TMEM63B: variants seen among roughly 807,000 people sequenced by gnomAD.
TMEM63B encodes the protein mechanosensitive cation channel TMEM63B.
A neutral mutation model predicts 102.6 loss-of-function variants in TMEM63B; 23 were observed. The ratio of observed to expected loss-of-function variants is 0.22; its 90% confidence interval spans 0.16 to 0.32. The LOEUF (loss-of-function observed/expected upper bound fraction) is 0.32. Among genes scored for constraint, TMEM63B ranks in the 10% least tolerant of loss-of-function variants. TMEM63B has a pLI of 1.00. For synonymous variants in TMEM63B, 444 were observed against 437.0 expected (o/e 1.02, Z -0.20); for missense variants, 628 against 1,095.9 (o/e 0.57, Z 6.03).
intron 1 of TMEM63B, among the ~76,000 whole-genome samples, chr6:44,129,321 T>C (rs1412325719): frequency 1.4e-5 from 2 of 146,598 alleles, no homozygotes; most frequent in African/African-American, 2.6e-5. Context: ...TGAGCCGAGA[T>C]TGTGGCACTT....
chr6:44,129,379 A>AG (rs1777858757), intron 1 of TMEM63B, among the ~76,000 whole-genome samples: 1 of 151,894 alleles, frequency 6.6e-6, no homozygotes, highest in Non-Finnish European at 1.5e-5. Context: ...AAAAAAAAAA[A>AG]AAAGAAAGAA....
intron 10 of TMEM63B, among the ~76,000 whole-genome samples, chr6:44,142,551 A>C (rs73429758): frequency 0.011 from 1,692 of 152,182 alleles, 34 homozygotes; most frequent in African/African-American, 0.038. Context: ...AAAATCATTG[A>C]GTTCTCAGGG....
intron 11 of TMEM63B, 82 bp from the exon 12 acceptor site, chr6:44,147,295 C>T: frequency 6.2e-7 from 1 of 1,602,214 alleles, no homozygotes. Flanking sequence ...CAGCTCCTGT[C>T]CTTGGGGAGT....
In TMEM63B at chr6:44,153,855, C is replaced by T. The variant is rs1487300778; in HGVS notation, c.2110+12C>T. 6.2e-7 allele frequency: 1 copy of T among 1,610,660 alleles called. No individual in the cohort carries two copies. The highest frequency in any genetic ancestry group is 8.5e-7 in the Non-Finnish European group (1 of 1,178,014). ...CACCATGCGCACGGGTGAGGGATCC[C>T]TACCCAGGGAACGGGGGGTGGCGAG... On this transcript the variant is annotated intron_variant, in intron 21 of 23. Coordinates refer to ENST00000323267, the MANE Select transcript of TMEM63B (RefSeq NM_018426.3).
rs148674181 is a variant in TMEM63B, at chr6:44,131,303, C to A, written c.-24-3258C>A. 2.0e-5 allele frequency among the ~76,000 whole-genome samples: 3 copies of A among 152,198 alleles called. No individual in the cohort carries two copies. The East Asian group carries it at 5.8e-4, about 29-fold the overall frequency. ...AGGGGTAGAGTAAGGATATTTGTAT[C>A]TCTTTGTTACAGATTGGAAGACTGA... is the stretch of plus-strand genomic sequence containing the variant. On this transcript the variant is annotated intron_variant, in intron 1 of 23. Coordinates refer to ENST00000323267, the MANE Select transcript of TMEM63B (RefSeq NM_018426.3).
intron 23 of TMEM63B, 77 bp from the exon 24 acceptor site, chr6:44,154,615 G>T: frequency 2.0e-6 from 3 of 1,496,112 alleles, no homozygotes. Flanking sequence ...CCACTCTGCT[G>T]TCCTACATGC....
chr6:44,148,034 G>A lies in TMEM63B; in HGVS notation c.988-218G>A, dbSNP rs1463694383. On this transcript the variant is annotated intron_variant, in intron 12 of 23. Transcript: ENST00000323267. This position sits in a 1 kb window ranked among gnomAD's most constrained non-coding sequence, Gnocchi z 5.1. ...GCCACTTGGGAGGCTGAGGTGGGAG[G>A]GTCACTTTAGCCTGGGAGCTTGAGG... Among the ~76,000 whole-genome samples the A allele has an allele frequency of 2.6e-5, 4 of 152,110 alleles. No individual in the cohort carries two copies. Among genetic ancestry groups the A allele is most frequent in the East Asian group, 1.9e-4 (1 of 5,184 alleles).
rs1357721584 is a variant in TMEM63B at position 44,136,417 on chromosome 6, T to C, written c.347T>C (p.Val116Ala). 9.3e-6 allele frequency: 15 copies of C among 1,614,034 alleles called. No individual in the cohort carries two copies. Among genetic ancestry groups the C allele is most frequent in the Non-Finnish European group, 1.2e-5 (14 of 1,179,998 alleles). The change falls in exon 5 of 24, where the codon GTT (valine) becomes GCT (alanine). Residue 116 changes from valine to alanine, a missense_variant. Val to Ala is a moderately conservative substitution (Grantham distance 64). Transcript: ENST00000323267. The part of the protein sequence containing the change: ...YERLTSVSSS[V>A]DFDQRDNGFC... ...CGTCTCACCTCTGTCTCCAGCTCCGTTGACTTTGACCAAAGGGACAATGTG... is the reference window on the plus strand; with the variant it reads ...CGTCTCACCTCTGTCTCCAGCTCCGCTGACTTTGACCAAAGGGACAATGTG...
intron 10 of TMEM63B, among the ~76,000 whole-genome samples, chr6:44,141,437 T>C (rs548436915): frequency 6.6e-6 from 1 of 152,272 alleles, no homozygotes; most frequent in African/African-American, 2.4e-5. Flanking sequence ...ATTCTGGAGT[T>C]TGTGTGCAGC....
chr6:44,130,187 G>A (rs1777995549), intron 1 of TMEM63B, among the ~76,000 whole-genome samples: 1 of 152,214 alleles, frequency 6.6e-6, no homozygotes, highest in South Asian at 2.1e-4. Context: ...ACTCTGCAAA[G>A]TGCAGTGGTT....
rs751356224 is a variant in TMEM63B at position 44,152,742 on chromosome 6, C to G, written c.1942+44C>G. The G allele has an allele frequency of 2.6e-6, 4 of 1,510,564 alleles. No individual in the cohort carries two copies. Among genetic ancestry groups the G allele is most frequent in the Non-Finnish European group, 9.1e-7 (1 of 1,098,920 alleles). 93.6% of individuals were successfully genotyped at this position (1,510,564 alleles called of 1,614,324 possible). ...GGACCTGGGCCCTGCTCGGGGGGACCCAGGACTTCACCCTCTCCACTCTAG... is the reference window on the plus strand; with the variant it reads ...GGACCTGGGCCCTGCTCGGGGGGACGCAGGACTTCACCCTCTCCACTCTAG... On this transcript the variant is annotated intron_variant, in intron 20 of 23. Transcript: ENST00000323267. This position sits in a 1 kb window ranked among gnomAD's most constrained non-coding sequence, Gnocchi z 6.4.
At chr6:44,147,646 A>G (rs371744407) in intron 12 of TMEM63B, 146 bp downstream of exon 12, 3 of 1,175,514 alleles carry the variant, frequency 2.6e-6, no homozygotes, top group African/African-American at 3.1e-5. Context: ...TAATGTCCCT[A>G]CAGTGACCAG....
intron 22 of TMEM63B, 59 bp downstream of exon 22, chr6:44,154,247 A>T (rs938191282): frequency 6.2e-7 from 1 of 1,600,692 alleles, no homozygotes; most frequent in African/African-American, 1.3e-5. Context: ...GGAGGAATGC[A>T]GAGGGCCACA....
chr6:44,138,615 C>T, intron 6 of TMEM63B, 98 bp downstream of exon 6: 2 of 1,426,494 alleles, frequency 1.4e-6, no homozygotes, highest in Non-Finnish European at 2.0e-6. Flanking sequence ...AGGGCCTTAG[C>T]ACTCCTCGCC....
intron 10 of TMEM63B, among the ~76,000 whole-genome samples, chr6:44,144,953 G>A (rs983879559): frequency 6.6e-6 from 1 of 152,012 alleles, no homozygotes; most frequent in Non-Finnish European, 1.5e-5. Flanking sequence ...TAAGGATTAG[G>A]ATCAAAGAAC....
intron 1 of TMEM63B, 134 bp from the exon 2 acceptor site, chr6:44,134,427 T>C (rs963129288): frequency 1.4e-5 from 12 of 881,316 alleles, no homozygotes; most frequent in East Asian, 2.7e-5. Context: ...TAGGCCCTTA[T>C]CTCCAGAGGC....
At position 44,148,190 on chromosome 6, in the gene TMEM63B, G is replaced by C. The variant is rs1003362333; in HGVS notation, c.988-62G>C. ...GGAAGCCCCAAGTCAGCGTGGGCTG[G>C]ATGCTGCAGGCCCCAGCCTGGCTTT... On this transcript the variant is annotated intron_variant, in intron 12 of 23. Transcript: ENST00000323267. The surrounding 1 kb of genome is among the most constrained non-coding windows in gnomAD (Gnocchi z 5.1). 1.3e-5 allele frequency: 21 copies of C among 1,599,932 alleles called. No individual in the cohort carries two copies. In the African/African-American group the frequency reaches 2.7e-4, roughly 20 times the overall value.
intron 6 of TMEM63B, chr6:44,138,799 C>T (rs1224514305): frequency 2.2e-5 from 9 of 410,228 alleles, no homozygotes; most frequent in Non-Finnish European, 3.7e-5. Context: ...CCTGCCTCAA[C>T]CTCTGTGCAG....
chr6:44,148,997 AC>A lies in TMEM63B; in HGVS notation c.1413+54del. The A allele has an allele frequency of 6.2e-7, 1 of 1,613,156 alleles. No homozygotes were observed. Among genetic ancestry groups the A allele is most frequent in the East Asian group, 2.2e-5 (1 of 44,850 alleles). On this transcript the variant is annotated intron_variant, in intron 15 of 23. Transcript: ENST00000323267. The surrounding 1 kb of genome is among the most constrained non-coding windows in gnomAD (Gnocchi z 5.1). ...CCACGCTGGGTCACAACACACAGAT[AC>A]CAGGCCCTGATCCCTCTTCCACTTG...
Sources: allele counts gnomAD v4.1 joint callset (sites outside exome capture counted in the v4.1 genomes callset), GRCh38; gene constraint gnomAD v4.1.1; non-coding constraint Gnocchi (gnomAD v3.1); transcripts MANE v1.5; gene names NCBI Gene and HGNC (gene_info 2026-07-23, HGNC 2026-07-21).